Variants in PRDM10 observed in about 807,000 individuals in gnomAD.
PRDM10 encodes the protein PR/SET domain 10, also known as PR domain zinc finger protein 10.
Under a neutral mutation model 133.1 loss-of-function variants are expected in PRDM10, and 65 were observed. The observed-to-expected ratio is 0.49, with a 90% CI of 0.40 to 0.60. The LOEUF is 0.60. Among genes scored for constraint, PRDM10 ranks in the 20% least tolerant of loss-of-function variants. The pLI is 0.00. For missense variants in PRDM10, 1,137 were observed against 1,507.1 expected (o/e 0.75, Z 4.07); for synonymous variants, 582 against 580.4 (o/e 1.00, Z -0.04).
Position 129,918,629 on chromosome 11 carries a change from C to A in PRDM10, c.2124G>T (p.Thr708=). Residue 708 remains threonine (T), a synonymous_variant, in exon 14 of 21, where the codon ACG becomes ACT. Coordinates refer to ENST00000360871, the MANE Select transcript of PRDM10 (RefSeq NM_199437.2). This position sits in a 1 kb window ranked among gnomAD's most constrained non-coding sequence, Gnocchi z 5.3. Reference sequence around the variant, plus strand: ...CTGTGGACGTGATGCGGGGCTTGAACGTCTTGGAGCGGCTGATGCGGTCGG... The same window carrying A: ...CTGTGGACGTGATGCGGGGCTTGAAAGTCTTGGAGCGGCTGATGCGGTCGG... ...KKADRISRSK[T]FKPRITSTDY... 6.2e-7 allele frequency: 1 copy of A among 1,614,218 alleles called. No homozygotes were observed. Among genetic ancestry groups the A allele is most frequent in the Middle Eastern group, 1.6e-4 (1 of 6,062 alleles).
In PRDM10 at chr11:129,912,684, G is replaced by A. The variant is rs562416249; in HGVS notation, c.2842-459C>T. ...GGAGAATGGCGTGAACCTGGGAGGC[G>A]GAGCTTGCAGTGAGCTGGGATTGCA... is the stretch of plus-strand genomic sequence containing the variant. On this transcript the variant is annotated intron_variant, in intron 17 of 20. Transcript: ENST00000360871. Among the ~76,000 whole-genome samples, 16 of 149,964 alleles carry A rather than the reference G, an allele frequency of 1.1e-4. No individual in the cohort carries two copies. The East Asian group carries it at 2.0e-3, about 19-fold the overall frequency.
chr11:129,903,300 A>AAATAAT (rs55765531), intron 20 of PRDM10, among the ~76,000 whole-genome samples: 5,748 of 137,956 alleles, frequency 0.042, 213 homozygotes, highest in Admixed American at 0.098. Context: ...CTCCGTCTCA[A>AAATAAT]AATAATAATA....
intron 1 of PRDM10, among the ~76,000 whole-genome samples, chr11:129,982,545 A>T (rs1301018128): frequency 6.6e-6 from 1 of 152,188 alleles, no homozygotes; most frequent in African/African-American, 2.4e-5. Flanking sequence ...CCAAAATGTT[A>T]ACCACGGTTA....
At chr11:129,968,609 C>T (rs562884455) in intron 1 of PRDM10, among the ~76,000 whole-genome samples, 2 of 152,012 alleles carry the variant, frequency 1.3e-5, no homozygotes, top group South Asian at 4.2e-4. Flanking sequence ...CAATCCTACC[C>T]CCTCACTACC....
At chr11:129,981,246 G>T (rs1369532246) in intron 1 of PRDM10, among the ~76,000 whole-genome samples, 1 of 152,048 alleles carries the variant, frequency 6.6e-6, no homozygotes, top group Non-Finnish European at 1.5e-5. Context: ...CTATAAGTAC[G>T]CTAAAAAAAC....
chr11:129,978,387 GAT>G (rs1937906482), intron 1 of PRDM10, among the ~76,000 whole-genome samples: 2 of 152,212 alleles, frequency 1.3e-5, no homozygotes, highest in African/African-American at 2.4e-5. Flanking sequence ...TCATGCTTCT[GAT>G]ATGAGACTGA....
chr11:129,987,695 T>C (rs777030398), intron 1 of PRDM10, among the ~76,000 whole-genome samples: 1 of 152,200 alleles, frequency 6.6e-6, no homozygotes, highest in Non-Finnish European at 1.5e-5. Flanking sequence ...TGGAATATTA[T>C]TTGACCATAA....
Position 129,944,938 on chromosome 11 carries a change from G to A in PRDM10, c.595C>T (p.Pro199Ser), listed in dbSNP as rs370956058. 28 of 1,613,904 alleles carry A rather than the reference G, an allele frequency of 1.7e-5. No individual in the cohort carries two copies. Among genetic ancestry groups the A allele is most frequent in the Admixed American group, 5.0e-5 (3 of 59,908 alleles). ...CTCGCCCTGGCCCGGGTGAGCACCG[G>A]CCGGTTGGGGATCGGGTGCAAGGGG... ...HGPLHPIPNR[P>S]VLTRARASLP... Residue 199 changes from proline (P) to serine (S), a missense_variant, in exon 6 of 21, where the codon CCG (proline) becomes TCG (serine). By Grantham distance (74) the Pro-to-Ser change is moderately conservative. Coordinates refer to ENST00000360871, the MANE Select transcript of PRDM10 (RefSeq NM_199437.2).
At chr11:129,961,751 T>C (rs1421960717) in intron 1 of PRDM10, among the ~76,000 whole-genome samples, 1 of 152,106 alleles carries the variant, frequency 6.6e-6, no homozygotes, top group Admixed American at 6.5e-5. Context: ...GCATGCTTGC[T>C]ATGTTCTAAA....
At chr11:129,995,953 A>G (rs890509064) in intron 1 of PRDM10, among the ~76,000 whole-genome samples, 3 of 120,942 alleles carry the variant, frequency 2.5e-5, no homozygotes, top group African/African-American at 1.2e-4. Flanking sequence ...CTCAAAAACA[A>G]AAGAAAAGAA....
rs557384318 is a variant in PRDM10 at position 129,905,920 on chromosome 11, C to T, written c.3164-179G>A. On this transcript the variant is annotated intron_variant, in intron 19 of 20. Transcript: ENST00000360871. Reference sequence around the variant, plus strand: ...GCTACGAATTGAGAAGAGCCTGGTACGCAGATACCCAGTGTCAGAGACAAT... The same window carrying T: ...GCTACGAATTGAGAAGAGCCTGGTATGCAGATACCCAGTGTCAGAGACAAT... Among the ~76,000 whole-genome samples, 8 of 152,176 alleles carry T rather than the reference C, an allele frequency of 5.3e-5. No individual in the cohort carries two copies. In the South Asian group the frequency reaches 1.0e-3, roughly 20 times the overall value.
intron 1 of PRDM10, among the ~76,000 whole-genome samples, chr11:129,964,382 G>T (rs537486266): frequency 2.6e-5 from 4 of 152,274 alleles, no homozygotes; most frequent in Admixed American, 2.0e-4. Context: ...GCACAAAAAG[G>T]TATACAGTGG....
intron 20 of PRDM10, among the ~76,000 whole-genome samples, chr11:129,903,036 T>C (rs1046301844): frequency 1.3e-5 from 2 of 152,146 alleles, no homozygotes; most frequent in African/African-American, 4.8e-5. Flanking sequence ...GGCTCACACC[T>C]GTAATCCCAG....
At position 129,925,104 on chromosome 11, in the gene PRDM10, C is replaced by A; in HGVS notation, c.1656G>T (p.Gly552=). Residue 552 remains glycine (G), a synonymous_variant, in exon 12 of 21, where the codon GGG becomes GGT. Transcript: ENST00000360871. ...AGAGATCACAGGTCAGTGGGCAGTT[C>A]CCCTCCCGCCCATGGAAGCGTAAGT... is the stretch of plus-strand genomic sequence containing the variant. ...DQHLRFHGRE[G]NCPLTCDLCN... The A allele has an allele frequency of 1.9e-6, 3 of 1,614,190 alleles. No individual in the cohort carries two copies. The highest frequency in any genetic ancestry group is 8.5e-7 in the Non-Finnish European group (1 of 1,180,032).
At position 129,985,012 on chromosome 11, in the gene PRDM10, G is replaced by A. The variant is rs1938332619; in HGVS notation, c.-119+17710C>T. On this transcript the variant is annotated intron_variant, in intron 1 of 20. Transcript: ENST00000360871. Reference sequence around the variant, plus strand: ...ATTTACCGTCAGTTAGGCGAGTTCAGTATGTGTGCACTACCTGTCCTCCTG... The same window carrying A: ...ATTTACCGTCAGTTAGGCGAGTTCAATATGTGTGCACTACCTGTCCTCCTG... Among the ~76,000 whole-genome samples, 4 of 152,196 alleles carry A rather than the reference G, an allele frequency of 2.6e-5. No homozygotes were observed. In the South Asian group the frequency reaches 8.3e-4, roughly 31 times the overall value.
chr11:129,918,552 C>T lies in PRDM10; in HGVS notation c.2201G>A (p.Arg734Gln). ...CTGGGCACTGACCAGCATGCCGCGC[C>T]GCCGGAAGCCCATCATGCACAGGCG... ...KCRLCMMGFR[R>Q]RGMLVNHLSK... Residue 734 changes from arginine (R) to glutamine (Q), a missense_variant, in exon 14 of 21, where the codon CGG (arginine) becomes CAG (glutamine). Arg to Gln is a conservative substitution (Grantham distance 43, BLOSUM62 1). Coordinates refer to ENST00000360871, the MANE Select transcript of PRDM10 (RefSeq NM_199437.2). The surrounding 1 kb of genome is among the most constrained non-coding windows in gnomAD (Gnocchi z 5.3). 2.5e-6 allele frequency: 4 copies of T among 1,613,744 alleles called. No individual in the cohort carries two copies. Among genetic ancestry groups the T allele is most frequent in the Non-Finnish European group, 2.5e-6 (3 of 1,179,842 alleles).
chr11:129,924,869 A>G lies in PRDM10; in HGVS notation c.1878+13T>C. The G allele has an allele frequency of 6.3e-7, 1 of 1,575,038 alleles. No homozygotes were observed. Among genetic ancestry groups the G allele is most frequent in the South Asian group, 1.2e-5 (1 of 83,568 alleles). On this transcript the variant is annotated intron_variant, in intron 12 of 20. Coordinates refer to ENST00000360871, the MANE Select transcript of PRDM10 (RefSeq NM_199437.2). The stretch of plus-strand genomic sequence containing the variant: ...GAAGGAAGCAGACAGGAATCTCAGT[A>G]GTAGACACTCACCTGGATAAAATCT...
Position 129,947,021 on chromosome 11 carries a change from G to A in PRDM10, c.520+124C>T. 1 of 1,323,378 alleles carries A rather than the reference G, an allele frequency of 7.6e-7. No individual in the cohort carries two copies. Among genetic ancestry groups the A allele is most frequent in the South Asian group, 1.4e-5 (1 of 73,942 alleles). The allele number at this position is 1,323,378 out of a possible 1,614,324, so 82.0% of individuals were successfully genotyped here. A position where few individuals can be genotyped will look rare whatever the true frequency, so the allele number is the denominator to read the frequency against. On this transcript the variant is annotated intron_variant, in intron 5 of 20. Transcript: ENST00000360871. The surrounding 1 kb of genome is among the most constrained non-coding windows in gnomAD (Gnocchi z 4.6). ...AGGTGGGATGAAGCAAGCAGAGAAT[G>A]TAGCACAGTTGGCTGCACACGGAAG...
At chr11:129,932,505 G>A (rs1374997091) in intron 9 of PRDM10, among the ~76,000 whole-genome samples, 5 of 152,216 alleles carry the variant, frequency 3.3e-5, no homozygotes, top group Admixed American at 6.5e-5. Flanking sequence ...CTTCTGAAAT[G>A]ATGTGAGAAA....
Sources: gnomAD v4.1 joint callset for allele counts (sites outside exome capture counted in the v4.1 genomes callset) on GRCh38, gnomAD v4.1.1 for gene constraint, Gnocchi (gnomAD v3.1) non-coding constraint, MANE v1.5 for transcripts, NCBI Gene and HGNC (gene_info 2026-07-23, HGNC 2026-07-21) for gene names.